DNAH17: variants seen among roughly 807,000 people sequenced by gnomAD.
The protein encoded by DNAH17 is axonemal beta dynein heavy chain 17.
DNAH17 carries 376 observed loss-of-function variants against 485.6 expected under a neutral mutation model. The observed-to-expected ratio is 0.77, with a 90% CI of 0.71 to 0.84. The LOEUF (loss-of-function observed/expected upper bound fraction) is 0.84. Ranked by LOEUF, DNAH17 falls within the 40% of genes least tolerant of loss-of-function variation. The probability of loss-of-function intolerance (pLI) is 0.00; values close to 1 mark genes in which losing one functional copy is unlikely to be tolerated. For synonymous variants in DNAH17, 3,031 were observed against 2,405.9 expected, an observed-to-expected ratio of 1.26 and a Z score of -7.60; for missense variants, 6,370 against 5,839.3, an observed-to-expected ratio of 1.09 and a Z score of -2.96.
At chr17:78,451,740 G>A (rs573525653) in intron 65 of DNAH17, 67 bp from the exon 66 acceptor site, 13 of 1,412,440 alleles carry the variant, frequency 9.2e-6, no homozygotes, top group Admixed American at 2.3e-5. Flanking sequence ...CACAAGTACA[G>A]ACCACCTTTC....
intron 29 of DNAH17, among the ~76,000 whole-genome samples, 151 bp from the exon 30 acceptor site, chr17:78,506,997 G>A (rs1240890267): frequency 1.3e-5 from 2 of 152,154 alleles, no homozygotes; most frequent in Admixed American, 1.3e-4. Context: ...CCTACCGGAG[G>A]CTCTCGTTTC....
intron 14 of DNAH17, among the ~76,000 whole-genome samples, chr17:78,556,549 G>A (rs1280209436): frequency 1.3e-5 from 2 of 152,162 alleles, no homozygotes; most frequent in Non-Finnish European, 2.9e-5. Context: ...TTGTACTGTG[G>A]CTTGGGGTGG....
rs1255504871 is a variant in DNAH17, at chr17:78,428,540, C to T, written c.12573G>A (p.Val4191=). 6 of 1,609,196 alleles carry T rather than the reference C, an allele frequency of 3.7e-6. No homozygotes were observed. Among genetic ancestry groups the T allele is most frequent in the Non-Finnish European group, 5.1e-6 (6 of 1,177,946 alleles). ...KETDSGAGTG[V]SREEKVKAVL... Reference sequence around the variant, plus strand: ...AAGATCCTGCCTTCTCCTCGCGGGACACTCCCGTGCCTGCCCCCGAGTCCG... The same window carrying T: ...AAGATCCTGCCTTCTCCTCGCGGGATACTCCCGTGCCTGCCCCCGAGTCCG... The change falls in exon 77 of 81, where the codon GTG becomes GTA. Residue 4191 remains valine, a synonymous_variant. Transcript: ENST00000389840.
intron 2 of DNAH17, among the ~76,000 whole-genome samples, chr17:78,573,375 C>A (rs892059103): frequency 6.6e-6 from 1 of 152,028 alleles, no homozygotes; most frequent in Admixed American, 6.6e-5. Flanking sequence ...GAGGCAGGTA[C>A]ATCACCTGAG....
In DNAH17 at chr17:78,423,935, C is replaced by G; in HGVS notation, c.13360G>C (p.Ala4454Pro). ...TKEKAAKWIL[A>P]AVALLLQV Reference sequence around the variant, plus strand: ...ACCTGTAGGAGCAGCGCCACGGCTGCCAGGATCCACTTCGCTGCCTTCTCT... The same window carrying G: ...ACCTGTAGGAGCAGCGCCACGGCTGGCAGGATCCACTTCGCTGCCTTCTCT... Residue 4454 changes from alanine (A) to proline (P), a missense_variant, in exon 81 of 81, where the codon GCA becomes CCA. By Grantham distance (27) the Ala-to-Pro change is conservative (BLOSUM62 -1). Transcript: ENST00000389840. The G allele has an allele frequency of 1.1e-5, 18 of 1,613,938 alleles. No individual in the cohort carries two copies. The highest frequency in any genetic ancestry group is 1.5e-5 in the Non-Finnish European group (18 of 1,179,880).
chr17:78,547,630 T>G (rs868042887), intron 16 of DNAH17, among the ~76,000 whole-genome samples: 32 of 151,608 alleles, frequency 2.1e-4, no homozygotes, highest in African/African-American at 7.7e-4. Context: ...TTTTTTTTTT[T>G]TTTTTGAGAT....
At chr17:78,472,300 G>T (rs548502145) in intron 54 of DNAH17, among the ~76,000 whole-genome samples, 4 of 145,516 alleles carry the variant, frequency 2.7e-5, no homozygotes, top group Admixed American at 2.7e-4. Flanking sequence ...GTTAGGGAGT[G>T]GGGGTGCGAG....
At chr17:78,559,394 T>TCTA (rs1460695827) in intron 13 of DNAH17, among the ~76,000 whole-genome samples, 7 of 152,208 alleles carry the variant, frequency 4.6e-5, no homozygotes, top group Admixed American at 2.0e-4. Context: ...ATTCTACCTG[T>TCTA]CTACTCACCT....
chr17:78,497,235 G>A (rs145275664), intron 37 of DNAH17, among the ~76,000 whole-genome samples: 157 of 152,216 alleles, frequency 1.0e-3, no homozygotes, highest in South Asian at 2.7e-3. Context: ...GTCTCCTCTG[G>A]AAACCTGCAG....
At chr17:78,430,308 G>A (rs1468779144) in intron 75 of DNAH17, among the ~76,000 whole-genome samples, 1 of 147,598 alleles carries the variant, frequency 6.8e-6, no homozygotes, top group Non-Finnish European at 1.5e-5. Flanking sequence ...CATGTAATTG[G>A]GATAAAAATA....
intron 48 of DNAH17, among the ~76,000 whole-genome samples, chr17:78,483,424 G>C (rs1045461767): frequency 1.3e-5 from 2 of 152,156 alleles, no homozygotes; most frequent in African/African-American, 4.8e-5. Flanking sequence ...GAGGTCAGGA[G>C]TTAGAGACCT....
At position 78,554,466 on chromosome 17, in the gene DNAH17, A is replaced by C. The variant is rs1024899414; in HGVS notation, c.2179-1661T>G. 2.7e-4 allele frequency among the ~76,000 whole-genome samples: 34 copies of C among 125,724 alleles called. 1 individual carries two copies. Among genetic ancestry groups the C allele is most frequent in the Non-Finnish European group, 4.4e-4 (26 of 59,660 alleles). 82.5% of individuals were successfully genotyped at this position (125,724 alleles called of 152,430 possible). A position where few individuals can be genotyped will look rare whatever the true frequency, so the allele number is the denominator to read the frequency against. On this transcript the variant is annotated intron_variant, in intron 14 of 80. Transcript: ENST00000389840. ...AAAAAAAAAAAAAAAAAAAAAAAAA[A>C]AAAAAGGATAGGTTCTATATAGTTT...
At chr17:78,454,815 G>T in intron 63 of DNAH17, 110 bp from the exon 64 acceptor site, 1 of 937,640 alleles carries the variant, frequency 1.1e-6, no homozygotes. Context: ...GGGTGGACCA[G>T]CAGGACGACC....
chr17:78,561,947 G>C lies in DNAH17; in HGVS notation c.1603C>G (p.Pro535Ala). ...GGCGCCACCTCGGCAAGAATCAGGGGCCGCTCCATGAGGCCCCCACACATG... is the reference window on the plus strand; with the variant it reads ...GGCGCCACCTCGGCAAGAATCAGGGCCCGCTCCATGAGGCCCCCACACATG... Reference protein sequence around the residue: ...LYMCGGLMERPLILAEVAPRY... With the variant: ...LYMCGGLMERALILAEVAPRY... Residue 535 changes from proline to alanine, a missense_variant, in exon 12 of 81, where the codon CCC (proline) becomes GCC (alanine). Pro to Ala is a conservative substitution (Grantham distance 27). Transcript: ENST00000389840. 1.2e-6 allele frequency: 2 copies of C among 1,611,924 alleles called. No individual in the cohort carries two copies. Among genetic ancestry groups the C allele is most frequent in the Non-Finnish European group, 1.7e-6 (2 of 1,179,016 alleles).
intron 17 of DNAH17, among the ~76,000 whole-genome samples, chr17:78,540,191 G>A (rs1435913137): frequency 7.4e-6 from 1 of 134,724 alleles, no homozygotes; most frequent in Non-Finnish European, 1.6e-5. Context: ...ATGGCTCAGA[G>A]GGCCACTCAG....
At chr17:78,495,194 G>T in intron 38 of DNAH17, 97 bp from the exon 39 acceptor site, 2 of 1,414,712 alleles carry the variant, frequency 1.4e-6, no homozygotes, top group Non-Finnish European at 1.9e-6. Context: ...CACCTCGACT[G>T]CCAGGTAGAC....
At chr17:78,567,592 A>G (rs1206684346) in intron 9 of DNAH17, among the ~76,000 whole-genome samples, 2 of 152,148 alleles carry the variant, frequency 1.3e-5, no homozygotes, top group East Asian at 1.9e-4. Flanking sequence ...CTGGAAGACC[A>G]TCCTATGCAG....
intron 51 of DNAH17, among the ~76,000 whole-genome samples, chr17:78,477,563 G>C (rs1235022166): frequency 6.6e-6 from 1 of 152,072 alleles, no homozygotes; most frequent in African/African-American, 2.4e-5. Context: ...ATTTTTAGTA[G>C]ACACAGGGTT....
chr17:78,439,349 A>C (rs1205871086), intron 72 of DNAH17, 132 bp from the exon 73 acceptor site: 2 of 1,111,374 alleles, frequency 1.8e-6, no homozygotes, highest in Non-Finnish European at 2.5e-6. Flanking sequence ...ATGACATAAA[A>C]CTTGCTGTTT....
Sources: allele counts gnomAD v4.1 joint callset (sites outside exome capture counted in the v4.1 genomes callset), GRCh38; gene constraint gnomAD v4.1.1; transcripts MANE v1.5; gene names NCBI Gene and HGNC (gene_info 2026-07-23, HGNC 2026-07-21).